Variants in CAMTA1 observed in about 807,000 individuals in gnomAD.
CAMTA1 encodes the protein calmodulin-binding transcription activator 1.
In CAMTA1, 27 loss-of-function variants were observed where a neutral mutation model predicts 170.9. The ratio of observed to expected loss-of-function variants is 0.16; its 90% CI spans 0.12 to 0.22. CAMTA1 has a LOEUF of 0.22. Among genes scored for constraint, CAMTA1 ranks in the 10% least tolerant of loss-of-function variants. The probability of loss-of-function intolerance (pLI) is 1.00; values close to 1 mark genes in which losing one functional copy is unlikely to be tolerated. For synonymous variants in CAMTA1, 833 were observed against 891.5 expected (o/e 0.93, Z 1.17); for missense variants, 1,619 against 2,217.2 (o/e 0.73, Z 5.42).
intron 11 of CAMTA1, among the ~76,000 whole-genome samples, chr1:7,702,797 G>T (rs1291790793): frequency 1.3e-5 from 2 of 152,124 alleles, no homozygotes; most frequent in Non-Finnish European, 2.9e-5. Flanking sequence ...GATTAAAACA[G>T]CACCAGAAAC....
intron 4 of CAMTA1, among the ~76,000 whole-genome samples, chr1:7,179,303 G>A (rs1039420942): frequency 2.0e-5 from 3 of 152,130 alleles, no homozygotes; most frequent in Non-Finnish European, 4.4e-5. Flanking sequence ...GAAATGCAGA[G>A]AAAACCACTA....
intron 3 of CAMTA1, among the ~76,000 whole-genome samples, chr1:6,975,837 C>A (rs1263783293): frequency 6.6e-6 from 1 of 152,216 alleles, no homozygotes; most frequent in African/African-American, 2.4e-5. Context: ...CCTTGGCAAC[C>A]ACCAATCTGC....
chr1:7,568,928 A>G (rs1385979315), intron 6 of CAMTA1, among the ~76,000 whole-genome samples: 1 of 151,738 alleles, frequency 6.6e-6, no homozygotes, highest in Non-Finnish European at 1.5e-5. Context: ...CACCATCATC[A>G]TCATCTCACT....
chr1:7,322,958 CCCCTT>C (rs1353135027), intron 5 of CAMTA1, among the ~76,000 whole-genome samples: 1 of 131,218 alleles, frequency 7.6e-6, no homozygotes, highest in East Asian at 2.5e-4. Flanking sequence ...CCCCTCCCCT[CCCCTT>C]CCTCCGTTCC....
chr1:7,059,399 C>T (rs971745342), intron 3 of CAMTA1, among the ~76,000 whole-genome samples: 7 of 152,170 alleles, frequency 4.6e-5, no homozygotes, highest in African/African-American at 1.7e-4. Context: ...AGGAGGATCA[C>T]TTGATCCCAG....
intron 11 of CAMTA1, among the ~76,000 whole-genome samples, chr1:7,724,628 T>C (rs61772141): frequency 0.38 from 57,699 of 151,608 alleles, 11,121 homozygotes; most frequent in South Asian, 0.48. Flanking sequence ...GTCAGGAGAT[T>C]GAGACCATCC....
chr1:7,669,323 G>A (rs2096033577), intron 9 of CAMTA1, among the ~76,000 whole-genome samples: 2 of 152,256 alleles, frequency 1.3e-5, no homozygotes, highest in African/African-American at 2.4e-5. Flanking sequence ...AATGGGAGGA[G>A]CTACTTCCAC....
chr1:7,594,702 A>G (rs2095385594), intron 6 of CAMTA1, among the ~76,000 whole-genome samples: 1 of 152,356 alleles, frequency 6.6e-6, no homozygotes, highest in South Asian at 2.1e-4. Context: ...GGCAAGGTTG[A>G]CAAATATGCT....
chr1:7,271,565 GAGAT>G (rs138661434), intron 5 of CAMTA1, among the ~76,000 whole-genome samples: 3,707 of 142,820 alleles, frequency 0.026, 63 homozygotes, highest in South Asian at 0.052. Context: ...ACTGAGAAAA[GAGAT>G]AGATAGATAG....
intron 4 of CAMTA1, among the ~76,000 whole-genome samples, chr1:7,145,557 G>C (rs1184391967): frequency 6.6e-6 from 1 of 152,172 alleles, no homozygotes; most frequent in Admixed American, 6.5e-5. Flanking sequence ...AGCTGGAGCT[G>C]GGCCCAAGTA....
chr1:7,090,338 G>A (rs1641313318), intron 3 of CAMTA1, among the ~76,000 whole-genome samples: 1 of 152,178 alleles, frequency 6.6e-6, no homozygotes, highest in South Asian at 2.1e-4. Context: ...ACCTTCCCAG[G>A]AGCCCTCTAG....
chr1:6,800,067 G>A (rs1019965299), intron 1 of CAMTA1, among the ~76,000 whole-genome samples: 11 of 151,862 alleles, frequency 7.2e-5, no homozygotes, highest in South Asian at 2.1e-4. Context: ...GTACATAGAG[G>A]GCTTAATTTT....
At position 7,691,231 on chromosome 1, in the gene CAMTA1, C is replaced by T. The variant is rs575275530; in HGVS notation, c.2914+13498C>T. ...AAGAGAGAAGGCAAACATTCCAGGC[C>T]GCAGGAATGGCACGCGCAGAAACTC... On this transcript the variant is annotated intron_variant, in intron 11 of 22. Coordinates refer to ENST00000303635, the MANE Select transcript of CAMTA1 (RefSeq NM_015215.4). Among the ~76,000 whole-genome samples, 12 of 152,236 alleles carry T rather than the reference C, an allele frequency of 7.9e-5. No individual in the cohort carries two copies. In the East Asian group the frequency reaches 1.2e-3, roughly 15 times the overall value.
At chr1:6,786,958 C>G (rs1433153674) in intron 1 of CAMTA1, among the ~76,000 whole-genome samples, 3 of 152,158 alleles carry the variant, frequency 2.0e-5, no homozygotes, top group Non-Finnish European at 4.4e-5. Flanking sequence ...TTGACACTAC[C>G]TCACTGGGAA....
intron 4 of CAMTA1, among the ~76,000 whole-genome samples, chr1:7,148,868 C>T (rs951376315): frequency 6.6e-6 from 1 of 152,240 alleles, no homozygotes; most frequent in Non-Finnish European, 1.5e-5. Context: ...CTTGCTTCTC[C>T]CAGCTCAGTT....
chr1:6,878,860 A>T (rs1438540768), intron 3 of CAMTA1, among the ~76,000 whole-genome samples: 1 of 152,212 alleles, frequency 6.6e-6, no homozygotes, highest in South Asian at 2.1e-4. Flanking sequence ...ATTTTCAGGC[A>T]TTCAGTGCAG....
intron 5 of CAMTA1, among the ~76,000 whole-genome samples, chr1:7,279,853 G>C (rs1266893723): frequency 6.6e-6 from 1 of 152,150 alleles, no homozygotes; most frequent in Non-Finnish European, 1.5e-5. Context: ...GTTACTGCTG[G>C]TGGTCCCTCT....
At chr1:7,181,568 CT>C (rs780912848) in intron 4 of CAMTA1, among the ~76,000 whole-genome samples, 10 of 152,138 alleles carry the variant, frequency 6.6e-5, no homozygotes, top group Non-Finnish European at 1.2e-4. Flanking sequence ...AACTTATTAA[CT>C]TTCTTGTACA....
At chr1:7,614,922 C>T (rs2095549268) in intron 6 of CAMTA1, among the ~76,000 whole-genome samples, 1 of 152,228 alleles carries the variant, frequency 6.6e-6, no homozygotes, top group African/African-American at 2.4e-5. Context: ...CAGGGGTCTC[C>T]TGTTCAGAAC....
Sources: allele counts gnomAD v4.1 joint callset (sites outside exome capture counted in the v4.1 genomes callset), GRCh38; gene constraint gnomAD v4.1.1; transcripts MANE v1.5; gene names NCBI Gene and HGNC (gene_info 2026-07-23, HGNC 2026-07-21).